The following ASTN2 variants were observed in gnomAD, a reference collection of about 807,000 sequenced individuals.
The protein encoded by ASTN2 is astrotactin-2.
A neutral mutation model predicts 139.8 loss-of-function variants in ASTN2; 54 were observed. The ratio of observed to expected loss-of-function variants is 0.39; its 90% CI spans 0.31 to 0.48. ASTN2 has a LOEUF of 0.48. Among genes scored for constraint, ASTN2 ranks in the 20% least tolerant of loss-of-function variants. ASTN2 has a pLI of 0.95. For missense variants in ASTN2, 1,565 were observed against 1,725.1 expected, an observed-to-expected ratio of 0.91 and a Z score of 1.64; for synonymous variants, 756 against 719.5, an observed-to-expected ratio of 1.05 and a Z score of -0.81.
intron 19 of ASTN2, among the ~76,000 whole-genome samples, chr9:116,503,532 G>C (rs1849978677): frequency 6.6e-6 from 1 of 152,018 alleles, no homozygotes; most frequent in Non-Finnish European, 1.5e-5. Flanking sequence ...AAATTTAGCT[G>C]GTCAGTTTTT....
At position 116,791,020 on chromosome 9, in the gene ASTN2, AAAGAAAGAAAGAAAGAAAG is replaced by A. The variant is rs1267315637; in HGVS notation, c.2396+14593_2396+14611del. On this transcript the variant is annotated intron_variant, in intron 13 of 22. Transcript: ENST00000313400. ...GAAAGAAAGAAAGAAAGAAAGAAAGAAAGAAAGAAAGAAAGAAAGAAAGAAAAGAAAAGAAAGAAAGAAG... is the reference window on the plus strand; with the variant it reads ...GAAAGAAAGAAAGAAAGAAAGAAAGAAAAGAAAAGAAAAGAAAGAAAGAAG... Among the ~76,000 whole-genome samples the A allele has an allele frequency of 4.4e-3, 565 of 129,730 alleles. 13 individuals carry two copies. The highest frequency in any genetic ancestry group is 0.017 in the East Asian group (35 of 2,024). The allele number at this position is 129,730 out of a possible 152,430, so 85.1% of individuals were successfully genotyped here.
At chr9:117,337,822 A>G (rs1828933443) in intron 1 of ASTN2, among the ~76,000 whole-genome samples, 1 of 152,074 alleles carries the variant, frequency 6.6e-6, no homozygotes, top group Non-Finnish European at 1.5e-5. Flanking sequence ...AACACAACTG[A>G]CCTAATATCC....
intron 12 of ASTN2, among the ~76,000 whole-genome samples, chr9:116,816,671 G>A (rs1041854586): frequency 1.3e-5 from 2 of 152,086 alleles, no homozygotes; most frequent in African/African-American, 4.8e-5. Flanking sequence ...GACAGAAACA[G>A]ACAGGAATGC....
At chr9:116,913,051 G>T (rs1834358703) in intron 10 of ASTN2, among the ~76,000 whole-genome samples, 1 of 152,056 alleles carries the variant, frequency 6.6e-6, no homozygotes, top group Admixed American at 6.5e-5. Context: ...CTCCTGGCAT[G>T]TGCCACGACA....
chr9:116,912,593 C>T (rs1260623847), intron 10 of ASTN2, among the ~76,000 whole-genome samples: 6 of 152,210 alleles, frequency 3.9e-5, no homozygotes, highest in Admixed American at 3.9e-4. Flanking sequence ...TTTCTTCCCC[C>T]TGAAGTGTAT....
chr9:117,355,592 G>A (rs1829518769), intron 1 of ASTN2, among the ~76,000 whole-genome samples: 1 of 152,184 alleles, frequency 6.6e-6, no homozygotes, highest in Non-Finnish European at 1.5e-5. Context: ...CTGAGGGGCT[G>A]CCAGGACAGA....
At chr9:116,991,102 G>A (rs190342790) in intron 7 of ASTN2, among the ~76,000 whole-genome samples, 60 of 152,186 alleles carry the variant, frequency 3.9e-4, no homozygotes, top group Admixed American at 1.3e-3. Flanking sequence ...ATTCAACATC[G>A]TAGCCAAAAG....
rs138705937 is a variant in ASTN2, at chr9:117,101,652, A to C, written c.1169-5501T>G. Among the ~76,000 whole-genome samples the C allele has an allele frequency of 5.3e-5, 8 of 152,282 alleles. No individual in the cohort carries two copies. In the East Asian group the frequency reaches 1.5e-3, roughly 29 times the overall value. On this transcript the variant is annotated intron_variant, in intron 4 of 22. Transcript: ENST00000313400. ...CAAGGGGTCTGAGATGTAGGAGTTA[A>C]TCCCATTTTATTGGTGGACAAATAA...
At chr9:116,591,205 T>C (rs762707093) in intron 19 of ASTN2, among the ~76,000 whole-genome samples, 8 of 152,144 alleles carry the variant, frequency 5.3e-5, no homozygotes, top group Non-Finnish European at 7.4e-5. Context: ...GACGCCCTCT[T>C]TGGGGCTCTG....
chr9:117,268,180 A>T (rs1322535804), intron 2 of ASTN2, among the ~76,000 whole-genome samples: 1 of 152,172 alleles, frequency 6.6e-6, no homozygotes, highest in East Asian at 1.9e-4. Context: ...CTTGTCCATT[A>T]GCTTTCTGTG....
intron 2 of ASTN2, among the ~76,000 whole-genome samples, chr9:117,278,790 G>C (rs1410498271): frequency 6.6e-6 from 1 of 152,180 alleles, no homozygotes; most frequent in Non-Finnish European, 1.5e-5. Context: ...TTGCAGACAG[G>C]ATTACCACAG....
At chr9:116,901,115 C>CGTGTGCAA (rs1833999766) in intron 10 of ASTN2, among the ~76,000 whole-genome samples, 1 of 148,796 alleles carries the variant, frequency 6.7e-6, no homozygotes, top group Non-Finnish European at 1.5e-5. Flanking sequence ...TGTGTGTGCG[C>CGTGTGCAA]GTGTGCAAGT....
At chr9:117,157,693 T>C (rs532345931) in intron 3 of ASTN2, among the ~76,000 whole-genome samples, 2 of 151,996 alleles carry the variant, frequency 1.3e-5, no homozygotes, top group Non-Finnish European at 2.9e-5. Flanking sequence ...TACAAACTCA[T>C]TTTCAGTTCA....
At chr9:117,288,768 C>G (rs1834511945) in intron 2 of ASTN2, among the ~76,000 whole-genome samples, 1 of 152,214 alleles carries the variant, frequency 6.6e-6, no homozygotes, top group Non-Finnish European at 1.5e-5. Context: ...CCAGGCCAAG[C>G]CCTGCTGACT....
intron 19 of ASTN2, chr9:116,586,384 A>G (rs1172069107): frequency 1.3e-5 from 2 of 152,254 alleles, no homozygotes; most frequent in Non-Finnish European, 2.9e-5. Context: ...AAGACATGGA[A>G]TCAACCTAGG....
At chr9:116,570,071 C>A (rs778149631) in intron 19 of ASTN2, among the ~76,000 whole-genome samples, 33 of 152,186 alleles carry the variant, frequency 2.2e-4, no homozygotes, top group Admixed American at 6.5e-4. Flanking sequence ...CGGTTCGAAT[C>A]TGGGCTCCCT....
At chr9:116,747,837 A>C (rs1829289346) in intron 13 of ASTN2, among the ~76,000 whole-genome samples, 1 of 152,134 alleles carries the variant, frequency 6.6e-6, no homozygotes. Flanking sequence ...CACCAAACTC[A>C]CTTAAGCATT....
At chr9:117,253,382 C>A (rs1833591682) in intron 2 of ASTN2, among the ~76,000 whole-genome samples, 1 of 152,208 alleles carries the variant, frequency 6.6e-6, no homozygotes, top group African/African-American at 2.4e-5. Flanking sequence ...GCAAACAGAG[C>A]TCCAGGCTAG....
intron 1 of ASTN2, among the ~76,000 whole-genome samples, chr9:117,311,762 T>C (rs911344225): frequency 6.6e-6 from 1 of 152,316 alleles, no homozygotes; most frequent in Non-Finnish European, 1.5e-5. Context: ...TTGCCTCTTT[T>C]GTTCACTGCT....
Sources: gnomAD v4.1 joint callset for allele counts (sites outside exome capture counted in the v4.1 genomes callset) on GRCh38, gnomAD v4.1.1 for gene constraint, MANE v1.5 for transcripts, NCBI Gene and HGNC (gene_info 2026-07-23, HGNC 2026-07-21) for gene names.